IL1RAPL1: variants seen among roughly 807,000 people sequenced by gnomAD.
IL1RAPL1 encodes the protein interleukin-1 receptor accessory protein-like 1.
IL1RAPL1 carries 3 observed loss-of-function variants against 48.4 expected under a neutral mutation model. That is an observed-to-expected ratio of 0.06 (90% CI 0.03 to 0.16). The LOEUF (loss-of-function observed/expected upper bound fraction) is 0.16, where lower values mean the gene tolerates loss of function less well. Among genes scored for constraint, IL1RAPL1 ranks in the 10% least tolerant of loss-of-function variants. IL1RAPL1 has a pLI of 1.00. For synonymous variants in IL1RAPL1, 185 were observed against 187.7 expected, an observed-to-expected ratio of 0.99 and a Z score of 0.12; for missense variants, 349 against 530.6, an observed-to-expected ratio of 0.66 and a Z score of 3.36.
chrX:29,308,112 G>C (rs1204266989), intron 3 of IL1RAPL1, among the ~76,000 whole-genome samples: 2 of 111,502 alleles, frequency 1.8e-5, no homozygotes, highest in Non-Finnish European at 3.8e-5. Context: ...TTTGATTCAC[G>C]AACTGAAAAG....
At chrX:29,824,982 A>G (rs1364438865) in intron 6 of IL1RAPL1, among the ~76,000 whole-genome samples, 6 of 108,013 alleles carry the variant, frequency 5.6e-5, no homozygotes, top group South Asian at 3.9e-4. Flanking sequence ...CTTGTAGGGG[A>G]AAAAAAATAA....
chrX:29,735,640 T>C (rs1928025054), intron 6 of IL1RAPL1, among the ~76,000 whole-genome samples: 2 of 112,125 alleles, frequency 1.8e-5, no homozygotes, highest in African/African-American at 3.2e-5. Flanking sequence ...TGAGAGTAGG[T>C]AGCAGCATTT....
intron 6 of IL1RAPL1, among the ~76,000 whole-genome samples, chrX:29,683,402 A>G (rs139786302): frequency 5.3e-5 from 6 of 112,330 alleles, no homozygotes; most frequent in African/African-American, 1.9e-4. Flanking sequence ...TGAGCTTTTT[A>G]ATCACACAGT....
intron 1 of IL1RAPL1, among the ~76,000 whole-genome samples, chrX:28,704,831 CAAAAAA>C (rs1179973377): frequency 3.7e-4 from 11 of 29,644 alleles, no homozygotes; most frequent in South Asian, 2.3e-3. Flanking sequence ...CACACACACA[CAAAAAA>C]AAAAAAAAAA....
At chrX:29,930,428 A>G (rs983137034) in intron 8 of IL1RAPL1, among the ~76,000 whole-genome samples, 7 of 111,979 alleles carry the variant, frequency 6.3e-5, no homozygotes, top group Admixed American at 1.9e-4. Context: ...AATATAAGCT[A>G]TTTTGTAGTA....
chrX:29,473,298 A>G (rs1934940283), intron 5 of IL1RAPL1, among the ~76,000 whole-genome samples: 1 of 111,797 alleles, frequency 8.9e-6, no homozygotes, highest in Admixed American at 9.5e-5. Context: ...CATCTTAACT[A>G]ATTACATCTG....
At chrX:29,667,753 C>G (rs1926039699) in intron 5 of IL1RAPL1, among the ~76,000 whole-genome samples, 1 of 112,056 alleles carries the variant, frequency 8.9e-6, no homozygotes, top group African/African-American at 3.2e-5. Flanking sequence ...TGTGTAGAAG[C>G]TTAAAATCGA....
intron 3 of IL1RAPL1, among the ~76,000 whole-genome samples, chrX:29,337,759 C>T (rs1933016416): frequency 9.0e-6 from 1 of 111,310 alleles, no homozygotes; most frequent in African/African-American, 3.3e-5. Flanking sequence ...ACTGAAACCT[C>T]TGCCTCCTGG....
chrX:29,042,959 G>T (rs1926879066), intron 2 of IL1RAPL1, among the ~76,000 whole-genome samples: 1 of 111,580 alleles, frequency 9.0e-6, no homozygotes, highest in South Asian at 3.7e-4. Context: ...CCAAACAAAA[G>T]AAAAAACTTC....
At chrX:29,437,351 G>A (rs1299765012) in intron 5 of IL1RAPL1, among the ~76,000 whole-genome samples, 1 of 110,675 alleles carries the variant, frequency 9.0e-6, no homozygotes, top group Non-Finnish European at 1.9e-5. Flanking sequence ...TTTATCTGCA[G>A]ATAAGGACAG....
chrX:28,703,948 G>A (rs970942240), intron 1 of IL1RAPL1, among the ~76,000 whole-genome samples: 1 of 111,439 alleles, frequency 9.0e-6, no homozygotes, highest in Non-Finnish European at 1.9e-5. Context: ...GTTTCCACAT[G>A]CTTCAAAGAC....
chrX:29,161,682 T>C (rs1321491330), intron 2 of IL1RAPL1, among the ~76,000 whole-genome samples: 2 of 112,243 alleles, frequency 1.8e-5, no homozygotes, highest in Non-Finnish European at 3.8e-5. Context: ...GTTGTAAAGA[T>C]TTAGTTCAGT....
chrX:29,913,641 A>C (rs1457201297), intron 6 of IL1RAPL1, among the ~76,000 whole-genome samples: 1 of 111,000 alleles, frequency 9.0e-6, no homozygotes, highest in Non-Finnish European at 1.9e-5. Flanking sequence ...CTTATTCCTT[A>C]TGTGATCCCA....
At chrX:29,269,595 G>A (rs1053709215) in intron 2 of IL1RAPL1, among the ~76,000 whole-genome samples, 2 of 108,621 alleles carry the variant, frequency 1.8e-5, no homozygotes, top group Non-Finnish European at 3.8e-5. Context: ...ACTCTGGAAA[G>A]TAGAGTTTAA....
intron 2 of IL1RAPL1, among the ~76,000 whole-genome samples, chrX:29,042,164 C>T (rs1390671533): frequency 3.6e-5 from 4 of 112,012 alleles, no homozygotes; most frequent in Non-Finnish European, 5.6e-5. Context: ...ATGAGCAGAA[C>T]AACTATATTT....
At chrX:28,694,675 G>T (rs1322540314) in intron 1 of IL1RAPL1, among the ~76,000 whole-genome samples, 1 of 112,103 alleles carries the variant, frequency 8.9e-6, no homozygotes, top group East Asian at 2.8e-4. Context: ...GCATAAATGG[G>T]TTGCAGCTCA....
At chrX:29,399,691 C>T (rs1261840827) in intron 5 of IL1RAPL1, among the ~76,000 whole-genome samples, 4 of 110,091 alleles carry the variant, frequency 3.6e-5, no homozygotes, top group African/African-American at 9.9e-5. Flanking sequence ...TGGTGGTGGG[C>T]GCCTGTAATC....
At chrX:28,704,548 C>T (rs758999743) in intron 1 of IL1RAPL1, among the ~76,000 whole-genome samples, 12 of 107,609 alleles carry the variant, frequency 1.1e-4, no homozygotes, top group African/African-American at 4.1e-4. Flanking sequence ...GGTCACTTCT[C>T]TCATGAAACT....
At chrX:29,582,362 T>TTTAC (rs1345246907) in intron 5 of IL1RAPL1, among the ~76,000 whole-genome samples, 1 of 98,400 alleles carries the variant, frequency 1.0e-5, no homozygotes, top group African/African-American at 4.5e-5. Flanking sequence ...TTTTTTTTTA[T>TTTAC]TTTTTTATTT....
Sources: gnomAD v4.1 joint callset for allele counts (sites outside exome capture counted in the v4.1 genomes callset) on GRCh38, gnomAD v4.1.1 for gene constraint, MANE v1.5 for transcripts, NCBI Gene and HGNC (gene_info 2026-07-23, HGNC 2026-07-21) for gene names.